The following RBFOX1 variants were observed in gnomAD, a reference collection of about 807,000 sequenced individuals.
The protein encoded by RBFOX1 is RNA binding protein fox-1 homolog 1.
Under a neutral mutation model 57.7 loss-of-function variants are expected in RBFOX1, and 8 were observed. The ratio of observed to expected loss-of-function variants is 0.14; its 90% CI spans 0.08 to 0.25. The LOEUF is 0.25. Ranked by LOEUF, RBFOX1 falls within the 10% of genes least tolerant of loss-of-function variation. The pLI, the probability that RBFOX1 is intolerant of heterozygous loss-of-function variation, is 1.00. For missense variants in RBFOX1, 611 were observed against 548.5 expected (o/e 1.11, Z -1.14); for synonymous variants, 326 against 222.4 (o/e 1.47, Z -4.15).
intron 3 of RBFOX1, among the ~76,000 whole-genome samples, chr16:5,639,184 C>T (rs1488247492): frequency 6.6e-6 from 1 of 152,162 alleles, no homozygotes; most frequent in African/African-American, 2.4e-5. Context: ...TTTTGGCTTC[C>T]TCTTGCGTGA....
chr16:6,700,058 C>G (rs1377288876), intron 3 of RBFOX1, among the ~76,000 whole-genome samples: 1 of 152,138 alleles, frequency 6.6e-6, no homozygotes, highest in Admixed American at 6.5e-5. Flanking sequence ...AAACCTCTCT[C>G]TCATCAAATA....
intron 3 of RBFOX1, among the ~76,000 whole-genome samples, chr16:6,936,116 G>A (rs929219488): frequency 2.0e-5 from 3 of 152,122 alleles, no homozygotes; most frequent in African/African-American, 7.2e-5. Context: ...TTGCTCCGGG[G>A]GTTCAGCTTC....
At chr16:7,187,495 C>T (rs556742467) in intron 4 of RBFOX1, among the ~76,000 whole-genome samples, 6 of 151,524 alleles carry the variant, frequency 4.0e-5, no homozygotes, top group South Asian at 2.1e-4. Context: ...CGAGACCATC[C>T]TGGCTAACAC....
At chr16:6,253,119 C>G (rs1022702596) in intron 1 of RBFOX1, among the ~76,000 whole-genome samples, 1 of 152,168 alleles carries the variant, frequency 6.6e-6, no homozygotes, top group African/African-American at 2.4e-5. Context: ...CTCTATCATA[C>G]ACACACTTAC....
At chr16:6,904,828 T>A (rs1001932449) in intron 3 of RBFOX1, among the ~76,000 whole-genome samples, 1 of 152,024 alleles carries the variant, frequency 6.6e-6, no homozygotes, top group Non-Finnish European at 1.5e-5. Flanking sequence ...GTGGCTGATT[T>A]TGTTAGAGAA....
chr16:6,137,169 G>C (rs1244720000), intron 1 of RBFOX1, among the ~76,000 whole-genome samples: 1 of 152,174 alleles, frequency 6.6e-6, no homozygotes. Flanking sequence ...TACAAATTTT[G>C]TCAGTGGTAA....
intron 14 of RBFOX1, among the ~76,000 whole-genome samples, chr16:7,705,690 G>A (rs542725534): frequency 1.3e-5 from 2 of 152,268 alleles, no homozygotes; most frequent in Admixed American, 1.3e-4. Flanking sequence ...TAAGTGGAGA[G>A]ATGGACAGAC....
At chr16:7,036,796 A>G (rs182204374) in intron 3 of RBFOX1, among the ~76,000 whole-genome samples, 1 of 152,222 alleles carries the variant, frequency 6.6e-6, no homozygotes, top group East Asian at 1.9e-4. Flanking sequence ...GTTTATTAAG[A>G]AAGTAGGGGA....
Position 5,843,809 on chromosome 16 carries a change from C to T in RBFOX1, c.319-23494C>T, listed in dbSNP as rs138827683. 5.1e-3 allele frequency among the ~76,000 whole-genome samples: 775 copies of T among 152,276 alleles called. 6 individuals are homozygous for T. The highest frequency in any genetic ancestry group is 8.4e-3 in the Non-Finnish European group (574 of 68,030). On this transcript the variant is annotated intron_variant, in intron 3 of 19. Transcript: ENST00000641259. ...CCTTCTCTAAAGCCTGAACGCTTTC[C>T]ACTCTGCCACGTTGCTGCTGGCACC...
chr16:6,893,075 G>GT (rs2065911424), intron 3 of RBFOX1, among the ~76,000 whole-genome samples: 1 of 152,096 alleles, frequency 6.6e-6, no homozygotes, highest in African/African-American at 2.4e-5. Flanking sequence ...ACTTGTAAAA[G>GT]ACTGCCCACC....
chr16:7,598,714 G>A (rs972511736), intron 9 of RBFOX1, among the ~76,000 whole-genome samples: 1 of 152,016 alleles, frequency 6.6e-6, no homozygotes, highest in Non-Finnish European at 1.5e-5. Context: ...AATGATATAA[G>A]GATACACCTG....
At chr16:6,820,586 G>T (rs1409155041) in intron 3 of RBFOX1, among the ~76,000 whole-genome samples, 1 of 152,018 alleles carries the variant, frequency 6.6e-6, no homozygotes, top group African/African-American at 2.4e-5. Context: ...TTGAGCCCGG[G>T]AGTTAGAGGC....
At chr16:6,219,994 G>T (rs1010721237) in intron 1 of RBFOX1, among the ~76,000 whole-genome samples, 3 of 152,142 alleles carry the variant, frequency 2.0e-5, no homozygotes, top group Non-Finnish European at 1.5e-5. Flanking sequence ...GTCCGTGTGT[G>T]TGTATCATCC....
rs1400212155 is a variant in RBFOX1, at chr16:6,214,573, G to A, written c.-126-102422G>A. Among the ~76,000 whole-genome samples, 6 of 109,704 alleles carry A rather than the reference G, an allele frequency of 5.5e-5. 1 individual carries two copies. Among genetic ancestry groups the A allele is most frequent in the Admixed American group, 4.5e-4 (5 of 11,210 alleles). 72.0% of individuals were successfully genotyped at this position (109,704 alleles called of 152,430 possible). On this transcript the variant is annotated intron_variant, in intron 1 of 15. Transcript: ENST00000550418. Reference sequence around the variant, plus strand: ...GGGAGAGGGGGAGAGGGAGGGGGGAGAGGCAAAGTGGGAGAAGGAGGGAGA... The same window carrying A: ...GGGAGAGGGGGAGAGGGAGGGGGGAAAGGCAAAGTGGGAGAAGGAGGGAGA...
rs766149992 is a variant in RBFOX1, at chr16:5,535,703, C to A, written c.259-63199C>A. On this transcript the variant is annotated intron_variant, in intron 2 of 2. Transcript: ENST00000585867. ...TTTGGGAACACCAAGAGCCTCCTTT[C>A]ATTTTGTATTTTCTGTTTCCCTATC... Among the ~76,000 whole-genome samples, 4 of 152,320 alleles carry A rather than the reference C, an allele frequency of 2.6e-5. 1 individual carries two copies. The South Asian group carries it at 8.3e-4, about 32-fold the overall frequency.
At chr16:6,274,342 C>G (rs560238328) in intron 1 of RBFOX1, among the ~76,000 whole-genome samples, 2 of 152,216 alleles carry the variant, frequency 1.3e-5, no homozygotes, top group South Asian at 2.1e-4. Context: ...TGTGGTATAT[C>G]CATACCACAA....
intron 4 of RBFOX1, among the ~76,000 whole-genome samples, chr16:7,092,843 C>T (rs56089030): frequency 1.2e-4 from 18 of 152,296 alleles, no homozygotes; most frequent in South Asian, 6.2e-4. Flanking sequence ...TTTACCAAAT[C>T]GAAGGCTGGG....
At chr16:6,600,732 T>G (rs768510685) in intron 2 of RBFOX1, among the ~76,000 whole-genome samples, 2 of 152,220 alleles carry the variant, frequency 1.3e-5, no homozygotes, top group Non-Finnish European at 2.9e-5. Flanking sequence ...ATGAAACATT[T>G]GTCCTCACAG....
At chr16:6,592,701 C>T (rs967220257) in intron 2 of RBFOX1, among the ~76,000 whole-genome samples, 3 of 151,584 alleles carry the variant, frequency 2.0e-5, no homozygotes, top group Admixed American at 6.6e-5. Flanking sequence ...TGAGAAATGT[C>T]GTGTGTGTGT....
Sources: allele counts gnomAD v4.1 joint callset (sites outside exome capture counted in the v4.1 genomes callset), GRCh38; gene constraint gnomAD v4.1.1; transcripts MANE v1.5; gene names NCBI Gene and HGNC (gene_info 2026-07-23, HGNC 2026-07-21).